The following UNC5D variants were observed in gnomAD, a reference collection of about 807,000 sequenced individuals.
UNC5D encodes the protein netrin receptor UNC5D.
In UNC5D, 39 loss-of-function variants were observed where a neutral mutation model predicts 105.4. That is an observed-to-expected ratio of 0.37 (90% CI 0.29 to 0.48). UNC5D has a LOEUF of 0.48. Ranked by LOEUF, UNC5D falls within the 20% of genes least tolerant of loss-of-function variation. The pLI is 0.98. For missense variants in UNC5D, 991 were observed against 1,202.4 expected, an observed-to-expected ratio of 0.82 and a Z score of 2.60; for synonymous variants, 452 against 450.4, an observed-to-expected ratio of 1.00 and a Z score of -0.04.
At chr8:35,550,191 A>T (rs938719267) in intron 2 of UNC5D, among the ~76,000 whole-genome samples, 1 of 152,154 alleles carries the variant, frequency 6.6e-6, no homozygotes, top group Non-Finnish European at 1.5e-5. Context: ...TATCTTGCTC[A>T]GTTTTTTCAA....
chr8:35,288,185 G>T (rs913004656), intron 1 of UNC5D, among the ~76,000 whole-genome samples: 5 of 152,018 alleles, frequency 3.3e-5, no homozygotes, highest in African/African-American at 1.2e-4. Flanking sequence ...TTAAGATAAA[G>T]AATACAGAAA....
At position 35,365,591 on chromosome 8, in the gene UNC5D, C is replaced by CAAAA. The variant is rs10715369; in HGVS notation, c.103+129727_103+129730dup. Among the ~76,000 whole-genome samples the CAAAA allele has an allele frequency of 1.2e-3, 61 of 49,882 alleles. 7 individuals are homozygous for CAAAA. The highest frequency in any genetic ancestry group is 1.3e-3 in the Non-Finnish European group (39 of 29,110). 32.7% of individuals were successfully genotyped at this position (49,882 alleles called of 152,430 possible). On this transcript the variant is annotated intron_variant, in intron 1 of 16. Coordinates refer to ENST00000404895, the MANE Select transcript of UNC5D (RefSeq NM_080872.4). ...TCTTAGGCTTTCATGCCATCCCCTGCAAAAAAAAAAAAAAAAAAAAAAAAA... is the reference window on the plus strand; with the variant it reads ...TCTTAGGCTTTCATGCCATCCCCTGCAAAAAAAAAAAAAAAAAAAAAAAAAAAAA...
chr8:35,546,694 G>A (rs1259338523), intron 1 of UNC5D, among the ~76,000 whole-genome samples: 10 of 152,004 alleles, frequency 6.6e-5, no homozygotes, highest in Admixed American at 2.6e-4. Context: ...AAAATCCTGC[G>A]GGGACTTGGT....
intron 4 of UNC5D, among the ~76,000 whole-genome samples, chr8:35,675,690 A>G (rs1452379264): frequency 2.0e-5 from 3 of 152,140 alleles, no homozygotes; most frequent in South Asian, 4.2e-4. Context: ...TCAAAGGTCA[A>G]GGGGCCTGGG....
At chr8:35,550,819 A>T (rs1489563427) in intron 2 of UNC5D, among the ~76,000 whole-genome samples, 1 of 152,244 alleles carries the variant, frequency 6.6e-6, no homozygotes, top group Non-Finnish European at 1.5e-5. Context: ...TATGTAAGTC[A>T]GATGGGCATA....
At chr8:35,765,322 G>C (rs992723668) in intron 14 of UNC5D, among the ~76,000 whole-genome samples, 1 of 152,164 alleles carries the variant, frequency 6.6e-6, no homozygotes, top group African/African-American at 2.4e-5. Context: ...GGCAAAGATA[G>C]AGTTCCATAC....
At chr8:35,584,675 TC>T (rs1396418824) in intron 3 of UNC5D, among the ~76,000 whole-genome samples, 1 of 151,932 alleles carries the variant, frequency 6.6e-6, no homozygotes, top group African/African-American at 2.4e-5. Context: ...GGTATCAAAC[TC>T]CTGGCCTGAA....
chr8:35,726,605 T>C, intron 10 of UNC5D, 76 bp downstream of exon 10: 1 of 1,554,004 alleles, frequency 6.4e-7, no homozygotes, highest in East Asian at 2.2e-5. Context: ...TCCCATCAGA[T>C]TCATTTTATG....
intron 4 of UNC5D, among the ~76,000 whole-genome samples, chr8:35,599,930 C>G (rs1457831566): frequency 2.6e-5 from 4 of 152,098 alleles, no homozygotes; most frequent in Non-Finnish European, 4.4e-5. Flanking sequence ...TTAGGTATAT[C>G]TCCTAATACT....
chr8:35,589,485 C>A (rs775385230), intron 3 of UNC5D, among the ~76,000 whole-genome samples: 11 of 150,040 alleles, frequency 7.3e-5, no homozygotes, highest in Non-Finnish European at 1.3e-4. Flanking sequence ...AATAACTGTA[C>A]TGAGATATAA....
At chr8:35,470,988 A>G (rs372728901) in intron 1 of UNC5D, among the ~76,000 whole-genome samples, 4 of 152,164 alleles carry the variant, frequency 2.6e-5, no homozygotes, top group East Asian at 3.9e-4. Context: ...AACTAACTCA[A>G]AGAGATTTAA....
chr8:35,755,165 AACACACACATGC>A (rs1472097631), intron 13 of UNC5D, among the ~76,000 whole-genome samples: 2 of 152,156 alleles, frequency 1.3e-5, no homozygotes, highest in Non-Finnish European at 2.9e-5. Flanking sequence ...ATTACACACG[AACACACACATGC>A]ATGCACAGCC....
chr8:35,603,465 A>C (rs1238293665), intron 4 of UNC5D, among the ~76,000 whole-genome samples: 1 of 152,124 alleles, frequency 6.6e-6, no homozygotes, highest in African/African-American at 2.4e-5. Flanking sequence ...ACTTCCAACT[A>C]TGTGGTCAAT....
chr8:35,373,568 G>A (rs1422983034), intron 1 of UNC5D, among the ~76,000 whole-genome samples: 2 of 152,102 alleles, frequency 1.3e-5, no homozygotes, highest in East Asian at 1.9e-4. Flanking sequence ...TACTATCTCT[G>A]GTGCGATAAA....
intron 1 of UNC5D, among the ~76,000 whole-genome samples, chr8:35,362,668 C>T (rs1801917620): frequency 1.3e-5 from 2 of 152,160 alleles, no homozygotes; most frequent in African/African-American, 2.4e-5. Flanking sequence ...CCCAAACTGA[C>T]ATTTTCAAGA....
At chr8:35,710,288 G>C (rs752622539) in intron 8 of UNC5D, among the ~76,000 whole-genome samples, 6 of 152,168 alleles carry the variant, frequency 3.9e-5, no homozygotes, top group Admixed American at 1.3e-4. Flanking sequence ...AGGATTTTCT[G>C]ATGTTTTGGG....
chr8:35,291,808 T>C (rs1236582309), intron 1 of UNC5D, among the ~76,000 whole-genome samples: 1 of 152,236 alleles, frequency 6.6e-6, no homozygotes, highest in Non-Finnish European at 1.5e-5. Flanking sequence ...TGCCACATTT[T>C]TTGTAAAGAT....
chr8:35,482,865 C>T (rs942453037), intron 1 of UNC5D, among the ~76,000 whole-genome samples: 9 of 128,788 alleles, frequency 7.0e-5, no homozygotes, highest in African/African-American at 1.5e-4. Context: ...AGTGATAGCG[C>T]GATCTCAGCT....
At chr8:35,424,688 T>C (rs1214044432) in intron 1 of UNC5D, among the ~76,000 whole-genome samples, 40 of 152,222 alleles carry the variant, frequency 2.6e-4, no homozygotes, top group Non-Finnish European at 4.4e-5. Flanking sequence ...CAGATTCAGC[T>C]ACACACTCAT....
Sources: gnomAD v4.1 joint callset for allele counts (sites outside exome capture counted in the v4.1 genomes callset) on GRCh38, gnomAD v4.1.1 for gene constraint, MANE v1.5 for transcripts, NCBI Gene and HGNC (gene_info 2026-07-23, HGNC 2026-07-21) for gene names.